Variants in SLC15A1 observed in about 807,000 individuals in gnomAD.
The protein encoded by SLC15A1 is Caco-2 oligopeptide transporter.
In SLC15A1, 83 loss-of-function variants were observed where a neutral mutation model predicts 92.9. That is an observed-to-expected ratio of 0.89 (90% CI 0.75 to 1.07). SLC15A1 has a LOEUF of 1.07. SLC15A1 is among the 50% of genes least tolerant of loss of function. The probability of loss-of-function intolerance (pLI) is 0.00; values close to 1 mark genes in which losing one functional copy is unlikely to be tolerated. For synonymous variants in SLC15A1, 322 were observed against 318.2 expected, an observed-to-expected ratio of 1.01 and a Z score of -0.13; for missense variants, 857 against 880.1, an observed-to-expected ratio of 0.97 and a Z score of 0.33.
intron 18 of SLC15A1, among the ~76,000 whole-genome samples, chr13:98,696,845 G>A (rs533612637): frequency 6.6e-6 from 1 of 152,130 alleles, no homozygotes; most frequent in Admixed American, 6.5e-5. Flanking sequence ...TCCTTTAAAG[G>A]TGATTAGGAT....
intron 16 of SLC15A1, among the ~76,000 whole-genome samples, chr13:98,705,523 G>A (rs368352165): frequency 3.3e-5 from 5 of 152,234 alleles, no homozygotes; most frequent in East Asian, 1.9e-4. Context: ...TCCTTGATCT[G>A]GTGGTTCCAG....
At chr13:98,715,848 G>A (rs2088207752) in intron 9 of SLC15A1, 30 bp downstream of exon 9, 1 of 1,584,506 alleles carries the variant, frequency 6.3e-7, no homozygotes, top group Non-Finnish European at 8.7e-7. Flanking sequence ...TGGTTAAATA[G>A]CCTTGAGAAA....
Position 98,684,640 on chromosome 13 carries a change from C to T in SLC15A1, c.*84G>A, listed in dbSNP as rs1211454371. Reference sequence around the variant, plus strand: ...ATTCTGAAGTCTTCCTCATCAGGGGCCATCCAATGGAGTGTCCTGCTACCT... The same window carrying T: ...ATTCTGAAGTCTTCCTCATCAGGGGTCATCCAATGGAGTGTCCTGCTACCT... On this transcript the variant is annotated 3_prime_UTR_variant, in exon 23 of 23. Transcript: ENST00000376503. 1 of 975,250 alleles carries T rather than the reference C, an allele frequency of 1.0e-6. No individual in the cohort carries two copies. Among genetic ancestry groups the T allele is most frequent in the Non-Finnish European group, 1.6e-6 (1 of 636,730 alleles). 60.4% of individuals were successfully genotyped at this position (975,250 alleles called of 1,614,324 possible).
At chr13:98,736,847 G>A (rs2088398648) in intron 1 of SLC15A1, among the ~76,000 whole-genome samples, 1 of 152,120 alleles carries the variant, frequency 6.6e-6, no homozygotes, top group Non-Finnish European at 1.5e-5. Flanking sequence ...GAAACCACAG[G>A]TGCTGGAGAG....
intron 19 of SLC15A1, 25 bp from the exon 20 acceptor site, chr13:98,688,381 G>C: frequency 6.2e-7 from 1 of 1,605,702 alleles, no homozygotes. Flanking sequence ...AATAATATTG[G>C]TTAACATTCT....
intron 15 of SLC15A1, among the ~76,000 whole-genome samples, chr13:98,707,231 C>T (rs1471869556): frequency 6.6e-6 from 1 of 152,138 alleles, no homozygotes; most frequent in Non-Finnish European, 1.5e-5. Flanking sequence ...TTGCAATAGC[C>T]AAAAGGTGCA....
At chr13:98,749,503 G>A (rs750220766) in intron 1 of SLC15A1, among the ~76,000 whole-genome samples, 36 of 152,144 alleles carry the variant, frequency 2.4e-4, no homozygotes, top group Non-Finnish European at 4.6e-4. Context: ...TGGGGTGGGA[G>A]GAAAGAGATC....
At chr13:98,722,856 GCT>G (rs1353120018) in intron 5 of SLC15A1, among the ~76,000 whole-genome samples, 1 of 152,150 alleles carries the variant, frequency 6.6e-6, no homozygotes, top group African/African-American at 2.4e-5. Context: ...TTTTAGGTGT[GCT>G]CCAATACGAA....
intron 2 of SLC15A1, 108 bp downstream of exon 2, chr13:98,726,735 C>T: frequency 8.9e-7 from 1 of 1,120,402 alleles, no homozygotes; most frequent in South Asian, 1.3e-5. Flanking sequence ...ATCATACCCT[C>T]ACTGGTTCCA....
intron 15 of SLC15A1, among the ~76,000 whole-genome samples, chr13:98,707,520 G>T (rs2088122171): frequency 6.6e-6 from 1 of 152,182 alleles, no homozygotes; most frequent in Non-Finnish European, 1.5e-5. Context: ...TGTTTAATGG[G>T]TACAGAATTT....
intron 18 of SLC15A1, among the ~76,000 whole-genome samples, chr13:98,696,880 G>A (rs537436012): frequency 6.6e-6 from 1 of 152,146 alleles, no homozygotes; most frequent in African/African-American, 2.4e-5. Context: ...TGTGACAAGT[G>A]TTCTCATATG....
At chr13:98,721,635 G>T in intron 6 of SLC15A1, 50 bp from the exon 7 acceptor site, 1 of 1,355,750 alleles carries the variant, frequency 7.4e-7, no homozygotes, top group Non-Finnish European at 1.0e-6. Flanking sequence ...AATCCACTGA[G>T]CACAGGGAGC....
At chr13:98,694,141 A>C (rs1439818232) in intron 18 of SLC15A1, among the ~76,000 whole-genome samples, 1 of 152,242 alleles carries the variant, frequency 6.6e-6, no homozygotes, top group South Asian at 2.1e-4. Context: ...ATATAGATGA[A>C]ATCTTTTTAA....
intron 18 of SLC15A1, among the ~76,000 whole-genome samples, chr13:98,700,629 T>C (rs1303772642): frequency 2.6e-5 from 4 of 152,164 alleles, no homozygotes; most frequent in African/African-American, 9.7e-5. Context: ...ATGTTTCTTG[T>C]ATAAATTTTA....
At chr13:98,724,096 C>T (rs2088280587) in intron 4 of SLC15A1, 65 bp from the exon 5 acceptor site, 1 of 1,588,358 alleles carries the variant, frequency 6.3e-7, no homozygotes, top group Non-Finnish European at 8.6e-7. Flanking sequence ...TTTGACTCCA[C>T]CACAAAAGAC....
chr13:98,723,834 G>A (rs758552098), intron 5 of SLC15A1, 78 bp downstream of exon 5: 29 of 1,591,384 alleles, frequency 1.8e-5, no homozygotes, highest in Non-Finnish European at 2.4e-5. Context: ...TGAAGTTCAA[G>A]GAAAAAGACG....
At chr13:98,712,298 A>G (rs780686828) in intron 10 of SLC15A1, among the ~76,000 whole-genome samples, 200 bp downstream of exon 10, 1 of 152,214 alleles carries the variant, frequency 6.6e-6, no homozygotes, top group Non-Finnish European at 1.5e-5. Flanking sequence ...AACTATGAAA[A>G]GGTAATATTA....
At chr13:98,730,704 C>G (rs1251591596) in intron 1 of SLC15A1, among the ~76,000 whole-genome samples, 1 of 152,282 alleles carries the variant, frequency 6.6e-6, no homozygotes, top group African/African-American at 2.4e-5. Context: ...CTCAGCGCCT[C>G]CGCGCCGCTT....
chr13:98,726,220 T>C lies in SLC15A1; in HGVS notation c.148A>G (p.Asn50Asp). ...GTATGGTAGATGGCGGTGGACAGGT[T>C]ATCATCCCAGCTGATGAAATTTGTG... ...YFTNFISWDD[N>D]LSTAIYHTFV... The change falls in exon 4 of 23, where the codon AAC (asparagine) becomes GAC (aspartate). Residue 50 changes from asparagine to aspartate, a missense_variant. Transcript: ENST00000376503. 6.2e-7 allele frequency: 1 copy of C among 1,614,130 alleles called. No homozygotes were observed. The highest frequency in any genetic ancestry group is 8.5e-7 in the Non-Finnish European group (1 of 1,180,026).
Sources: gnomAD v4.1 joint callset for allele counts (sites outside exome capture counted in the v4.1 genomes callset) on GRCh38, gnomAD v4.1.1 for gene constraint, MANE v1.5 for transcripts, NCBI Gene and HGNC (gene_info 2026-07-23, HGNC 2026-07-21) for gene names.